Variants in SRGAP1 observed in about 807,000 individuals in gnomAD.
SRGAP1 encodes SLIT-ROBO Rho GTPase-activating protein 1.
A neutral mutation model predicts 121.9 loss-of-function variants in SRGAP1; 43 were observed. That is an observed-to-expected ratio of 0.35 (90% confidence interval 0.28 to 0.46). SRGAP1 has a LOEUF of 0.46. Ranked by LOEUF, SRGAP1 falls within the 20% of genes least tolerant of loss-of-function variation. The pLI is 1.00. For missense variants in SRGAP1, 1,102 were observed against 1,350.9 expected, an observed-to-expected ratio of 0.82 and a Z score of 2.89; for synonymous variants, 447 against 485.4, an observed-to-expected ratio of 0.92 and a Z score of 1.04.
At chr12:64,035,559 G>GT (rs2034887034) in intron 4 of SRGAP1, among the ~76,000 whole-genome samples, 1 of 152,282 alleles carries the variant, frequency 6.6e-6, no homozygotes, top group East Asian at 1.9e-4. Context: ...TGATTCTAGA[G>GT]TAACTGTCAC....
chr12:64,030,563 A>G lies in SRGAP1; in HGVS notation c.490-12227A>G, dbSNP rs571517213. Among the ~76,000 whole-genome samples the G allele has an allele frequency of 1.4e-4, 22 of 152,352 alleles. 1 individual carries two copies. In the South Asian group the frequency reaches 4.3e-3, roughly 30 times the overall value. On this transcript the variant is annotated intron_variant, in intron 4 of 21. Transcript: ENST00000355086. ...GAAACTAATTGTAATTTATGTTAACATTTAAAAATCATGGTTAAATTTAGC... is the reference window on the plus strand; with the variant it reads ...GAAACTAATTGTAATTTATGTTAACGTTTAAAAATCATGGTTAAATTTAGC...
chr12:64,037,376 C>T (rs961938958), intron 4 of SRGAP1, among the ~76,000 whole-genome samples: 5 of 152,190 alleles, frequency 3.3e-5, no homozygotes, highest in African/African-American at 1.2e-4. Context: ...TAACTGTCAT[C>T]GTGGATTCTT....
intron 4 of SRGAP1, among the ~76,000 whole-genome samples, chr12:64,040,234 G>A (rs10878102): frequency 0.58 from 87,377 of 151,954 alleles, 25,642 homozygotes; most frequent in South Asian, 0.67. Flanking sequence ...AAATATATTT[G>A]TTCCAGTGAT....
intron 18 of SRGAP1, among the ~76,000 whole-genome samples, chr12:64,123,320 T>C (rs953023336): frequency 6.6e-6 from 1 of 152,144 alleles, no homozygotes; most frequent in Non-Finnish European, 1.5e-5. Context: ...ATATCCGGCA[T>C]GGGTGACAAA....
At chr12:63,874,536 A>G (rs1899967369) in intron 1 of SRGAP1, among the ~76,000 whole-genome samples, 2 of 152,196 alleles carry the variant, frequency 1.3e-5, no homozygotes, top group African/African-American at 4.8e-5. Context: ...TTAAAGGACA[A>G]ATGAACTATT....
chr12:64,121,019 T>C (rs2036597932), intron 18 of SRGAP1, among the ~76,000 whole-genome samples: 1 of 151,076 alleles, frequency 6.6e-6, no homozygotes, highest in Non-Finnish European at 1.5e-5. Flanking sequence ...TTTTTTTTTT[T>C]TTTTTTTCTG....
chr12:64,000,332 G>A (rs2033849073), intron 3 of SRGAP1, among the ~76,000 whole-genome samples: 1 of 151,660 alleles, frequency 6.6e-6, no homozygotes, highest in Admixed American at 6.6e-5. Flanking sequence ...AGGAGGGCCA[G>A]GCCTGGTGGC....
At chr12:63,965,450 A>G (rs1432540819) in intron 1 of SRGAP1, among the ~76,000 whole-genome samples, 1 of 152,200 alleles carries the variant, frequency 6.6e-6, no homozygotes, top group Non-Finnish European at 1.5e-5. Context: ...TTTATGATGC[A>G]TATGTCTACT....
intron 3 of SRGAP1, among the ~76,000 whole-genome samples, chr12:63,991,043 T>C (rs1414934663): frequency 6.6e-6 from 1 of 152,206 alleles, no homozygotes; most frequent in East Asian, 1.9e-4. Context: ...AATTTTTTTG[T>C]TGTGTGGACA....
chr12:63,890,551 G>T (rs1900545016), intron 1 of SRGAP1, among the ~76,000 whole-genome samples: 1 of 152,194 alleles, frequency 6.6e-6, no homozygotes, highest in Non-Finnish European at 1.5e-5. Context: ...TTTGTAGTGT[G>T]AGCCATGTAA....
Position 64,115,820 on chromosome 12 carries a change from C to T in SRGAP1, c.2151C>T (p.Ser717=), listed in dbSNP as rs1216748721. The T allele has an allele frequency of 6.2e-7, 1 of 1,612,896 alleles. No homozygotes were observed. Among genetic ancestry groups the T allele is most frequent in the Non-Finnish European group, 8.5e-7 (1 of 1,179,218 alleles). ...TTCCATTTGTATTCTACAGCGACAG[C>T]CCATACAGTGAGCACGGTACATTGG... ...KCMAGDDYCD[S]PYSEHGTLEE... The change falls in exon 18 of 22, where the codon AGC becomes AGT. Residue 717 remains serine, a synonymous_variant. Coordinates refer to ENST00000355086, the MANE Select transcript of SRGAP1 (RefSeq NM_020762.4).
chr12:64,018,692 A>G (rs1323000296), intron 4 of SRGAP1, among the ~76,000 whole-genome samples: 1 of 152,176 alleles, frequency 6.6e-6, no homozygotes, highest in Non-Finnish European at 1.5e-5. Context: ...TCCTTCAGAA[A>G]CTTTCCACTC....
chr12:64,134,531 A>T (rs1231410709), intron 21 of SRGAP1, among the ~76,000 whole-genome samples: 1 of 152,006 alleles, frequency 6.6e-6, no homozygotes, highest in Non-Finnish European at 1.5e-5. Flanking sequence ...AATCCACTCC[A>T]CCATCCCAAT....
At chr12:63,857,254 T>A (rs997876303) in intron 1 of SRGAP1, among the ~76,000 whole-genome samples, 1 of 150,674 alleles carries the variant, frequency 6.6e-6, no homozygotes, top group South Asian at 2.1e-4. Flanking sequence ...TAATTTTGTA[T>A]TTTTAGTAGA....
At chr12:64,046,445 T>C (rs1411230220) in intron 6 of SRGAP1, among the ~76,000 whole-genome samples, 1 of 152,148 alleles carries the variant, frequency 6.6e-6, no homozygotes, top group Non-Finnish European at 1.5e-5. Flanking sequence ...GTCTTTGTGG[T>C]TGCCCAGGCT....
rs760474865 is a variant in SRGAP1 at position 64,080,317 on chromosome 12, T to G, written c.1355T>G (p.Leu452Arg). The G allele has an allele frequency of 5.6e-6, 9 of 1,613,820 alleles. No individual in the cohort carries two copies. Among genetic ancestry groups the G allele is most frequent in the Non-Finnish European group, 6.8e-6 (8 of 1,179,900 alleles). ...KLREYLEGSN[L>R]ITKLQAKHDL... ...AGAGAATATTTGGAAGGCAGTAATCTCATCACAAAACTTCAAGCCAAACAT... is the reference window on the plus strand; with the variant it reads ...AGAGAATATTTGGAAGGCAGTAATCGCATCACAAAACTTCAAGCCAAACAT... Residue 452 changes from leucine to arginine, a missense_variant, in exon 10 of 22, where the codon CTC becomes CGC. By Grantham distance (102) the Leu-to-Arg change is moderately radical. This residue lies in a region of SRGAP1 where 747 missense variants were observed against 929.4 expected (regional missense o/e 0.80). Transcript: ENST00000355086.
At chr12:64,055,078 C>T (rs762707082) in intron 6 of SRGAP1, among the ~76,000 whole-genome samples, 168 of 151,364 alleles carry the variant, frequency 1.1e-3, no homozygotes, top group Admixed American at 3.4e-3. Context: ...TGTTTGCAGA[C>T]GACATGATTG....
chr12:64,111,731 T>C, intron 16 of SRGAP1, 31 bp from the exon 17 acceptor site: 1 of 1,541,640 alleles, frequency 6.5e-7, no homozygotes, highest in Non-Finnish European at 8.8e-7. Flanking sequence ...TCTTTGTTCT[T>C]TTATAACTCC....
At chr12:64,104,625 C>T (rs910077764) in intron 15 of SRGAP1, among the ~76,000 whole-genome samples, 1 of 152,320 alleles carries the variant, frequency 6.6e-6, no homozygotes, top group East Asian at 1.9e-4. Context: ...ATACACATTG[C>T]GCGCCTGTTG....
Sources: allele counts gnomAD v4.1 joint callset (sites outside exome capture counted in the v4.1 genomes callset), GRCh38; gene constraint gnomAD v4.1.1; regional missense constraint gnomAD v4.1.1; transcripts MANE v1.5; gene names NCBI Gene and HGNC (gene_info 2026-07-23, HGNC 2026-07-21).